Variants in C8orf34 observed in about 807,000 individuals in gnomAD.
C8orf34 encodes the protein chromosome 8 open reading frame 34, also known as uncharacterized protein C8orf34.
Under a neutral mutation model 68.3 loss-of-function variants are expected in C8orf34, and 65 were observed. The observed-to-expected ratio is 0.95, with a 90% CI of 0.78 to 1.17. C8orf34 has a LOEUF of 1.17. Among genes scored for constraint, C8orf34 ranks in the 50% most tolerant of loss-of-function variants. The pLI is 0.00. For missense variants in C8orf34, 664 were observed against 655.4 expected, an observed-to-expected ratio of 1.01 and a Z score of -0.14; for synonymous variants, 244 against 241.2, an observed-to-expected ratio of 1.01 and a Z score of -0.11.
intron 8 of C8orf34, among the ~76,000 whole-genome samples, chr8:68,679,474 A>G (rs1274567298): frequency 6.6e-6 from 1 of 152,132 alleles, no homozygotes; most frequent in African/African-American, 2.4e-5. Context: ...TAGAAGAATC[A>G]AATTGGCAAA....
At chr8:68,718,381 G>A (rs541650655) in intron 9 of C8orf34, among the ~76,000 whole-genome samples, 6 of 152,074 alleles carry the variant, frequency 3.9e-5, no homozygotes, top group African/African-American at 1.4e-4. Context: ...AGTATTATAA[G>A]GACTCAAATT....
At chr8:68,533,261 A>C (rs2129835662) in intron 7 of C8orf34, 112 bp downstream of exon 7, 1 of 1,420,024 alleles carries the variant, frequency 7.0e-7, no homozygotes, top group African/African-American at 1.5e-5. Flanking sequence ...GGGAAAAGAA[A>C]CCATTTAGTA....
intron 7 of C8orf34, chr8:68,533,684 AC>A (rs1815345247): frequency 1.0e-6 from 1 of 961,514 alleles, no homozygotes; most frequent in African/African-American, 1.8e-5. Context: ...CTTTCATGAA[AC>A]CTTATTAATC....
At chr8:68,340,479 C>T (rs1806024322) in intron 1 of C8orf34, among the ~76,000 whole-genome samples, 1 of 151,902 alleles carries the variant, frequency 6.6e-6, no homozygotes, top group South Asian at 2.1e-4. Flanking sequence ...AATCTCAATT[C>T]AAAAACAGGA....
rs150802019 is a variant in C8orf34 at position 68,448,768 on chromosome 8, A to T, written c.607+2308A>T. Among the ~76,000 whole-genome samples the T allele has an allele frequency of 2.2e-3, 328 of 152,266 alleles. 1 individual carries two copies. The highest frequency in any genetic ancestry group is 7.1e-3 in the African/African-American group (295 of 41,578). Reference sequence around the variant, plus strand: ...AATATTGTCAGACTGAATAAAGAGTATAGATTTTTTAAAATATAAGAAACA... The same window carrying T: ...AATATTGTCAGACTGAATAAAGAGTTTAGATTTTTTAAAATATAAGAAACA... On this transcript the variant is annotated intron_variant, in intron 3 of 13. Coordinates refer to ENST00000518698, the MANE Select transcript of C8orf34 (RefSeq NM_052958.4).
At chr8:68,767,277 A>G (rs1823208145) in intron 10 of C8orf34, among the ~76,000 whole-genome samples, 1 of 152,220 alleles carries the variant, frequency 6.6e-6, no homozygotes, top group South Asian at 2.1e-4. Context: ...TCTACTTCCC[A>G]CTGCAAATAA....
chr8:68,743,812 C>CG (rs1822383943), intron 10 of C8orf34, among the ~76,000 whole-genome samples: 1 of 152,196 alleles, frequency 6.6e-6, no homozygotes, highest in African/African-American at 2.4e-5. Flanking sequence ...GGGGGAGGGG[C>CG]GCCCACCATT....
intron 10 of C8orf34, among the ~76,000 whole-genome samples, chr8:68,735,190 C>T (rs1822089862): frequency 6.6e-6 from 1 of 152,068 alleles, no homozygotes; most frequent in Non-Finnish European, 1.5e-5. Flanking sequence ...TAATCACTTT[C>T]CCACTAGTTT....
intron 10 of C8orf34, among the ~76,000 whole-genome samples, chr8:68,748,435 C>T (rs1425121640): frequency 1.3e-5 from 2 of 149,136 alleles, no homozygotes; most frequent in African/African-American, 2.5e-5. Context: ...AAACTACCAT[C>T]AGAGTGAACA....
chr8:68,350,162 G>T (rs1806450975), intron 1 of C8orf34, among the ~76,000 whole-genome samples: 1 of 151,672 alleles, frequency 6.6e-6, no homozygotes, highest in South Asian at 2.1e-4. Flanking sequence ...CTGGTATGTT[G>T]TATGTTTGTC....
intron 8 of C8orf34, among the ~76,000 whole-genome samples, chr8:68,690,749 T>C (rs1820663832): frequency 6.6e-6 from 1 of 152,070 alleles, no homozygotes; most frequent in Non-Finnish European, 1.5e-5. Flanking sequence ...AATGAAATGG[T>C]AACCCTCATT....
chr8:68,607,919 A>T (rs552792656), intron 7 of C8orf34, among the ~76,000 whole-genome samples: 1 of 152,266 alleles, frequency 6.6e-6, no homozygotes, highest in South Asian at 2.1e-4. Context: ...GACTCTAATG[A>T]AGATGAATTA....
chr8:68,419,979 A>G (rs866269767), intron 1 of C8orf34, among the ~76,000 whole-genome samples: 3 of 150,262 alleles, frequency 2.0e-5, no homozygotes, highest in Non-Finnish European at 3.0e-5. Context: ...AAAGTATAAT[A>G]ATAAAAAAAA....
rs77548498 is a variant in C8orf34 at position 68,356,068 on chromosome 8, G to A, written c.327+24729G>A. Among the ~76,000 whole-genome samples, 326 of 152,162 alleles carry A rather than the reference G, an allele frequency of 2.1e-3. 2 individuals are homozygous for A. The highest frequency in any genetic ancestry group is 3.0e-3 in the Non-Finnish European group (201 of 67,992). On this transcript the variant is annotated intron_variant, in intron 1 of 13. Transcript: ENST00000518698. The stretch of plus-strand genomic sequence containing the variant: ...ATTTTGCCAGTCTTTTAAATTGCTT[G>A]TATCTTCATGACCAGAAAATGTCTG...
chr8:68,617,251 C>G (rs908657757), intron 7 of C8orf34, among the ~76,000 whole-genome samples: 97 of 152,240 alleles, frequency 6.4e-4, no homozygotes, highest in African/African-American at 2.3e-3. Flanking sequence ...ATTTGCCAGT[C>G]TGTGTTTTTA....
intron 8 of C8orf34, among the ~76,000 whole-genome samples, chr8:68,657,450 C>T (rs1819541083): frequency 6.6e-6 from 1 of 152,098 alleles, no homozygotes; most frequent in South Asian, 2.1e-4. Context: ...GGAACAGATC[C>T]TCACTGGACA....
intron 10 of C8orf34, among the ~76,000 whole-genome samples, chr8:68,773,975 A>G (rs1823428771): frequency 1.3e-5 from 2 of 152,154 alleles, no homozygotes; most frequent in African/African-American, 4.8e-5. Flanking sequence ...CACACACTCC[A>G]GCTCCAAGGA....
chr8:68,472,352 C>A, intron 4 of C8orf34, among the ~76,000 whole-genome samples: 1 of 152,138 alleles, frequency 6.6e-6, no homozygotes, highest in Non-Finnish European at 1.5e-5. Flanking sequence ...ACTGCTTCTT[C>A]TTTGAGGCCA....
chr8:68,697,925 G>A (rs1028426510), intron 8 of C8orf34, among the ~76,000 whole-genome samples: 14 of 152,082 alleles, frequency 9.2e-5, no homozygotes, highest in African/African-American at 3.4e-4. Context: ...TCCTTAGGCT[G>A]CAACCTCAGG....
Sources: allele counts gnomAD v4.1 joint callset (sites outside exome capture counted in the v4.1 genomes callset), GRCh38; gene constraint gnomAD v4.1.1; transcripts MANE v1.5; gene names NCBI Gene and HGNC (gene_info 2026-07-23, HGNC 2026-07-21).